Variants in CKAP4 observed in about 807,000 individuals in gnomAD.
CKAP4 encodes the protein cytoskeleton associated protein 4.
Under a neutral mutation model 24.4 loss-of-function variants are expected in CKAP4, and 20 were observed. The observed-to-expected ratio is 0.82, with a 90% confidence interval of 0.58 to 1.19. The LOEUF is 1.19. Among genes scored for constraint, CKAP4 ranks in the 50% most tolerant of loss-of-function variants. The pLI is 0.00. For missense variants in CKAP4, 744 were observed against 765.3 expected, an observed-to-expected ratio of 0.97 and a Z score of 0.33; for synonymous variants, 378 against 351.7, an observed-to-expected ratio of 1.07 and a Z score of -0.84.
At chr12:106,243,718 T>C (rs185476830) in intron 1 of CKAP4, among the ~76,000 whole-genome samples, 1 of 152,178 alleles carries the variant, frequency 6.6e-6, no homozygotes, top group Non-Finnish European at 1.5e-5. Context: ...TTCAGAAGAT[T>C]TGAGCCATTC....
chr12:106,240,080 G>A lies in CKAP4; in HGVS notation c.753C>T (p.Asn251=). ...TCTGGACTTCTGTGAAGATGGCGAT[G>A]TTGTCGTTGATGGATTTGGTGAGCT... The part of the protein sequence containing the change: ...LTELTKSIND[N]IAIFTEVQKR... The change falls in exon 2 of 2, where the codon AAC becomes AAT. Residue 251 remains asparagine, a synonymous_variant. Coordinates refer to ENST00000378026, the MANE Select transcript of CKAP4 (RefSeq NM_006825.4). The A allele has an allele frequency of 6.2e-7, 1 of 1,614,196 alleles. No homozygotes were observed. Among genetic ancestry groups the A allele is most frequent in the East Asian group, 2.2e-5 (1 of 44,864 alleles).
chr12:106,247,120 G>C lies in CKAP4; in HGVS notation c.483+249C>G, dbSNP rs566611301. Among the ~76,000 whole-genome samples, 3 of 152,256 alleles carry C rather than the reference G, an allele frequency of 2.0e-5. No individual in the cohort carries two copies. The highest frequency in any genetic ancestry group is 6.5e-5 in the Admixed American group (1 of 15,306). On this transcript the variant is annotated intron_variant, in intron 1 of 1. Transcript: ENST00000378026. This position sits in a 1 kb window ranked among gnomAD's most constrained non-coding sequence, Gnocchi z 4.5. ...CTGCCAGGCGGGCCTGGGCATCCTC[G>C]CGGCGGCCCATCCCTCGGGGCCGAT...
Position 106,247,281 on chromosome 12 carries a change from A to G in CKAP4, c.483+88T>C. On this transcript the variant is annotated intron_variant, in intron 1 of 1. Coordinates refer to ENST00000378026, the MANE Select transcript of CKAP4 (RefSeq NM_006825.4). This position sits in a 1 kb window ranked among gnomAD's most constrained non-coding sequence, Gnocchi z 4.5. ...CCTCCGGGCCTGGGCAGGCAGCGCT[A>G]GGGGCCGGTCGGGAAGCACGAAGGA... 8.1e-7 allele frequency: 1 copy of G among 1,237,592 alleles called. No homozygotes were observed. The highest frequency in any genetic ancestry group is 1.1e-6 in the Non-Finnish European group (1 of 918,522). The allele number at this position is 1,237,592 out of a possible 1,614,324, so 76.7% of individuals were successfully genotyped here.
intron 1 of CKAP4, among the ~76,000 whole-genome samples, chr12:106,245,259 A>G (rs2033997983): frequency 6.6e-6 from 1 of 152,062 alleles, no homozygotes; most frequent in Admixed American, 6.6e-5. Flanking sequence ...CCTCTTCTGA[A>G]CTTTCACAGG....
At position 106,247,669 on chromosome 12, in the gene CKAP4, G is replaced by C. The variant is rs980278346; in HGVS notation, c.183C>G (p.Asn61Lys). 1 of 1,106,806 alleles carries C rather than the reference G, an allele frequency of 9.0e-7. No individual in the cohort carries two copies. The highest frequency in any genetic ancestry group is 1.7e-5 in the African/African-American group (1 of 58,616). 68.6% of individuals were successfully genotyped at this position (1,106,806 alleles called of 1,614,324 possible). ...GGTGGCCGCCCTTGCCGTGCGCCTG[G>C]TTCTGCGGGTGCTGCTGCGGGTGCT... ...PQQHPQQHPQNQAHGKGGHRG... is the reference protein window; with the variant it reads ...PQQHPQQHPQKQAHGKGGHRG... The change falls in exon 1 of 2, where the codon AAC (asparagine) becomes AAG (lysine). Residue 61 changes from asparagine to lysine, a missense_variant. Around this residue, in one of 3 missense-constraint regions of CKAP4, gnomAD observed 300 missense variants for 264.5 expected, o/e 1.13. Transcript: ENST00000378026. This position sits in a 1 kb window ranked among gnomAD's most constrained non-coding sequence, Gnocchi z 4.5.
At chr12:106,244,851 T>C (rs1200328904) in intron 1 of CKAP4, among the ~76,000 whole-genome samples, 1 of 152,142 alleles carries the variant, frequency 6.6e-6, no homozygotes, top group Non-Finnish European at 1.5e-5. Context: ...TTTAGAGCCA[T>C]GAGGATTCTT....
At chr12:106,242,485 T>A (rs1216089316) in intron 1 of CKAP4, among the ~76,000 whole-genome samples, 1 of 152,158 alleles carries the variant, frequency 6.6e-6, no homozygotes, top group Non-Finnish European at 1.5e-5. Flanking sequence ...AGGCTCCTCA[T>A]CCAATAGCAA....
In CKAP4 at chr12:106,238,913, C is replaced by CT. The variant is rs1245333521; in HGVS notation, c.*110dup. 2 of 1,205,196 alleles carry CT rather than the reference C, an allele frequency of 1.7e-6. No homozygotes were observed. Among genetic ancestry groups the CT allele is most frequent in the Non-Finnish European group, 2.4e-6 (2 of 845,714 alleles). The allele number at this position is 1,205,196 out of a possible 1,614,324, so 74.7% of individuals were successfully genotyped here. On this transcript the variant is annotated 3_prime_UTR_variant, in exon 2 of 2. Transcript: ENST00000378026. Reference sequence around the variant, plus strand: ...TGGTGTTCAGGTGGTGACAACTGCTCTTTAAGAGGGGACAAGAAATTGGGG... The same window carrying CT: ...TGGTGTTCAGGTGGTGACAACTGCTCTTTTAAGAGGGGACAAGAAATTGGGG...
rs777938096 is a variant in CKAP4 at position 106,239,472 on chromosome 12, C to T, written c.1361G>A (p.Arg454His). Residue 454 changes from arginine to histidine, a missense_variant, in exon 2 of 2, where the codon CGC (arginine) becomes CAC (histidine). By Grantham distance (29) the Arg-to-His change is conservative. Coordinates refer to ENST00000378026, the MANE Select transcript of CKAP4 (RefSeq NM_006825.4). This position sits in a 1 kb window ranked among gnomAD's most constrained non-coding sequence, Gnocchi z 4.9. ...CTCTGAGGACCCGAGGCCTTCCAGG[C>T]GCCCCTGCAGGGCGGCCAGGCGCTG... ...HEQRLAALQG[R>H]LEGLGSSEAD... The T allele has an allele frequency of 2.0e-5, 32 of 1,605,228 alleles. No individual in the cohort carries two copies. The highest frequency in any genetic ancestry group is 2.4e-5 in the Non-Finnish European group (28 of 1,179,626).
At chr12:106,240,683 GA>G (rs1031487981) in intron 1 of CKAP4, among the ~76,000 whole-genome samples, 1,652 of 137,354 alleles carry the variant, frequency 0.012, 12 homozygotes, top group East Asian at 0.014. Flanking sequence ...AAAAAAAAAA[GA>G]AAAAAAAAGG....
Position 106,238,253 on chromosome 12 carries a change from G to A in CKAP4, c.*771C>T, listed in dbSNP as rs2136532677. The stretch of plus-strand genomic sequence containing the variant: ...CACGAATTTTTTGAAAGAACCCAAG[G>A]ACTCCCCTTTCTGGTAGTCGAAACC... On this transcript the variant is annotated 3_prime_UTR_variant, in exon 2 of 2. Transcript: ENST00000378026. 6.6e-6 allele frequency: 1 copy of A among 152,520 alleles called. No homozygotes were observed. Among genetic ancestry groups the A allele is most frequent in the South Asian group, 2.1e-4 (1 of 4,820 alleles). 9.4% of individuals were successfully genotyped at this position (152,520 alleles called of 1,614,324 possible).
rs1203205240 is a variant in CKAP4 at position 106,247,721 on chromosome 12, G to A, written c.131C>T (p.Pro44Leu). Residue 44 changes from proline to leucine, a missense_variant, in exon 1 of 2, where the codon CCG becomes CTG. Transcript: ENST00000378026. The surrounding 1 kb of genome is among the most constrained non-coding windows in gnomAD (Gnocchi z 4.5). ...CTGCGGGTGCGGCGCGGGCGGCGGC[G>A]GCGGCTGCTGCGGCGCCGGCGGCGG... is the stretch of plus-strand genomic sequence containing the variant. ...KKPPPAPQQP[P>L]PPPAPHPQQH... 63 of 1,043,722 alleles carry A rather than the reference G, an allele frequency of 6.0e-5. No homozygotes were observed. The highest frequency in any genetic ancestry group is 6.9e-5 in the African/African-American group (4 of 57,556). 64.7% of individuals were successfully genotyped at this position (1,043,722 alleles called of 1,614,324 possible).
Position 106,238,915 on chromosome 12 carries a change from T to A in CKAP4, c.*109A>T. 8.2e-7 allele frequency: 1 copy of A among 1,222,548 alleles called. No homozygotes were observed. The highest frequency in any genetic ancestry group is 1.2e-6 in the Non-Finnish European group (1 of 860,914). 75.7% of individuals were successfully genotyped at this position (1,222,548 alleles called of 1,614,324 possible). A position where few individuals can be genotyped will look rare whatever the true frequency, so the allele number is the denominator to read the frequency against. On this transcript the variant is annotated 3_prime_UTR_variant, in exon 2 of 2. Transcript: ENST00000378026. ...GTGTTCAGGTGGTGACAACTGCTCT[T>A]TAAGAGGGGACAAGAAATTGGGGGG... is the stretch of plus-strand genomic sequence containing the variant.
rs996777746 is a variant in CKAP4, at chr12:106,247,248, G to A, written c.483+121C>T. The A allele has an allele frequency of 5.8e-6, 5 of 864,610 alleles. No individual in the cohort carries two copies. The African/African-American group carries it at 7.2e-5, about 12-fold the overall frequency. 53.6% of individuals were successfully genotyped at this position (864,610 alleles called of 1,614,324 possible). A position where few individuals can be genotyped will look rare whatever the true frequency, so the allele number is the denominator to read the frequency against. On this transcript the variant is annotated intron_variant, in intron 1 of 1. Transcript: ENST00000378026. This position sits in a 1 kb window ranked among gnomAD's most constrained non-coding sequence, Gnocchi z 4.5. ...CAGGGCCCGCCAAGGAGGAGCGGCCGGCTCCCGCCTCCGGGCCTGGGCAGG... is the reference window on the plus strand; with the variant it reads ...CAGGGCCCGCCAAGGAGGAGCGGCCAGCTCCCGCCTCCGGGCCTGGGCAGG...
In CKAP4 at chr12:106,247,201, G is replaced by A. The variant is rs532228112; in HGVS notation, c.483+168C>T. Among the ~76,000 whole-genome samples the A allele has an allele frequency of 5.5e-4, 84 of 152,288 alleles. No individual in the cohort carries two copies. Among genetic ancestry groups the A allele is most frequent in the Non-Finnish European group, 8.8e-4 (60 of 68,012 alleles). On this transcript the variant is annotated intron_variant, in intron 1 of 1. Transcript: ENST00000378026. The surrounding 1 kb of genome is among the most constrained non-coding windows in gnomAD (Gnocchi z 4.5). ...GGGACTGCCTCGGAACTAGGGGGCCGCGTGGAGTGGGATGTCTAGGCCAGG... is the reference window on the plus strand; with the variant it reads ...GGGACTGCCTCGGAACTAGGGGGCCACGTGGAGTGGGATGTCTAGGCCAGG...
rs1165203835 is a variant in CKAP4, at chr12:106,239,605, C to T, written c.1228G>A (p.Asp410Asn). 6.2e-7 allele frequency: 1 copy of T among 1,614,158 alleles called. No homozygotes were observed. Among genetic ancestry groups the T allele is most frequent in the Admixed American group, 1.7e-5 (1 of 60,032 alleles). The change falls in exon 2 of 2, where the codon GAC (aspartate) becomes AAC (asparagine). Residue 410 changes from aspartate to asparagine, a missense_variant. This residue lies in a region of CKAP4 where 401 missense variants were observed against 424.5 expected (regional missense o/e 0.94). Coordinates refer to ENST00000378026, the MANE Select transcript of CKAP4 (RefSeq NM_006825.4). This position sits in a 1 kb window ranked among gnomAD's most constrained non-coding sequence, Gnocchi z 4.9. ...TCCTCCACGTGCTGGAGCCTGGAGTCCAGTCCCTGACTCTTTTGCTGGAGT... is the reference window on the plus strand; with the variant it reads ...TCCTCCACGTGCTGGAGCCTGGAGTTCAGTCCCTGACTCTTTTGCTGGAGT... The part of the protein sequence containing the change: ...EALQQKSQGL[D>N]SRLQHVEDGV...
rs1056241255 is a variant in CKAP4, at chr12:106,239,059, A to C, written c.1774T>G (p.Phe592Val). 20 of 1,613,846 alleles carry C rather than the reference A, an allele frequency of 1.2e-5. No homozygotes were observed. The highest frequency in any genetic ancestry group is 1.7e-4 in the Middle Eastern group (1 of 6,060). The change falls in exon 2 of 2, where the codon TTT becomes GTT. Residue 592 changes from phenylalanine to valine, a missense_variant. Phe to Val is a conservative substitution (Grantham distance 50). Transcript: ENST00000378026. The surrounding 1 kb of genome is among the most constrained non-coding windows in gnomAD (Gnocchi z 4.9). ...DDLRNDLDRL[F>V]VKVEKIHEKV is the part of the protein sequence containing the mutation. ...TCGTGAATCTTCTCCACTTTCACAA[A>C]CAACCTATCCAGATCATTCCTCAGG...
At chr12:106,246,954 G>A (rs2136537961) in intron 1 of CKAP4, 1 of 163,996 alleles carries the variant, frequency 6.1e-6, no homozygotes, top group East Asian at 1.7e-4. Flanking sequence ...TTCCAGGGAT[G>A]CGCTGGCTTC....
At chr12:106,245,435 A>C (rs186766243) in intron 1 of CKAP4, among the ~76,000 whole-genome samples, 1 of 152,314 alleles carries the variant, frequency 6.6e-6, no homozygotes, top group African/African-American at 2.4e-5. Context: ...AACAGAGGCT[A>C]GTCATTATAC....
Sources: allele counts gnomAD v4.1 joint callset (sites outside exome capture counted in the v4.1 genomes callset), GRCh38; gene constraint gnomAD v4.1.1; regional missense constraint gnomAD v4.1.1; non-coding constraint Gnocchi (gnomAD v3.1); transcripts MANE v1.5; gene names NCBI Gene and HGNC (gene_info 2026-07-23, HGNC 2026-07-21).